The following PLEK2 variants were observed in gnomAD, a reference collection of about 807,000 sequenced individuals.
PLEK2 encodes pleckstrin-2.
PLEK2 carries 29 observed loss-of-function variants against 43.8 expected under a neutral mutation model. The ratio of observed to expected loss-of-function variants is 0.66; its 90% CI spans 0.49 to 0.90. The LOEUF is 0.90. PLEK2 is among the 40% of genes least tolerant of loss of function. The pLI is 0.00. For synonymous variants in PLEK2, 162 were observed against 173.2 expected (o/e 0.94, Z 0.51); for missense variants, 398 against 448.1 (o/e 0.89, Z 1.01).
At chr14:67,389,716 G>A (rs560974189) in intron 7 of PLEK2, among the ~76,000 whole-genome samples, 2 of 151,796 alleles carry the variant, frequency 1.3e-5, no homozygotes, top group South Asian at 4.2e-4. Context: ...GGGGCACAAA[G>A]AAAGTAGGTT....
chr14:67,391,773 G>C (rs1305078956), intron 6 of PLEK2, among the ~76,000 whole-genome samples: 1 of 152,210 alleles, frequency 6.6e-6, no homozygotes, highest in Non-Finnish European at 1.5e-5. Context: ...GCTTGCCTCT[G>C]GTTCAACATA....
intron 1 of PLEK2, among the ~76,000 whole-genome samples, chr14:67,408,472 A>G (rs572226878): frequency 6.6e-6 from 1 of 152,270 alleles, no homozygotes; most frequent in South Asian, 2.1e-4. Flanking sequence ...ATTTGAAAAT[A>G]GGGTCTTTGC....
intron 1 of PLEK2, among the ~76,000 whole-genome samples, chr14:67,408,055 G>A (rs1420995537): frequency 2.0e-5 from 3 of 152,074 alleles, no homozygotes; most frequent in African/African-American, 7.2e-5. Context: ...TGGGAGGCCA[G>A]GTGGGTGGAT....
intron 4 of PLEK2, 138 bp downstream of exon 4, chr14:67,393,012 A>T: frequency 1.1e-6 from 1 of 872,836 alleles, no homozygotes; most frequent in Non-Finnish European, 1.9e-6. Context: ...CTGCACACCC[A>T]CACATGGCCA....
At chr14:67,403,302 A>C (rs2086060380) in intron 1 of PLEK2, among the ~76,000 whole-genome samples, 1 of 152,222 alleles carries the variant, frequency 6.6e-6, no homozygotes, top group Non-Finnish European at 1.5e-5. Flanking sequence ...GAAAACAAGA[A>C]ATTTTGGCAA....
chr14:67,404,251 C>T (rs550415502), intron 1 of PLEK2, among the ~76,000 whole-genome samples: 1 of 152,324 alleles, frequency 6.6e-6, no homozygotes, highest in Admixed American at 6.5e-5. Flanking sequence ...CAAGGTCAGA[C>T]TCCACAGTCT....
At chr14:67,389,154 TA>T (rs2085948985) in intron 7 of PLEK2, among the ~76,000 whole-genome samples, 1 of 152,036 alleles carries the variant, frequency 6.6e-6, no homozygotes, top group Admixed American at 6.6e-5. Flanking sequence ...GCCCTTCAAT[TA>T]ATCAATAATC....
intron 1 of PLEK2, among the ~76,000 whole-genome samples, chr14:67,410,174 CTG>C (rs1402350972): frequency 6.6e-6 from 1 of 152,092 alleles, no homozygotes; most frequent in Non-Finnish European, 1.5e-5. Context: ...CCTGGGAGCT[CTG>C]TGGCTCTGCC....
intron 5 of PLEK2, 74 bp from the exon 6 acceptor site, chr14:67,392,501 G>T: frequency 7.6e-7 from 1 of 1,314,888 alleles, no homozygotes; most frequent in Non-Finnish European, 1.1e-6. Flanking sequence ...TGTCAGAGGG[G>T]AAAGGAAATT....
At chr14:67,410,273 C>T (rs1218814103) in intron 1 of PLEK2, among the ~76,000 whole-genome samples, 2 of 152,106 alleles carry the variant, frequency 1.3e-5, no homozygotes, top group Non-Finnish European at 2.9e-5. Flanking sequence ...GCCTCCAAAA[C>T]TCCCAAAGCT....
chr14:67,404,842 AATACT>A (rs2086069000), intron 1 of PLEK2, among the ~76,000 whole-genome samples: 2 of 152,110 alleles, frequency 1.3e-5, no homozygotes, highest in South Asian at 4.1e-4. Flanking sequence ...AAGTATTTCT[AATACT>A]TATGTATTTC....
Position 67,392,447 on chromosome 14 carries a change from A to G in PLEK2, c.670-20T>C. ...CTCAGCCTAGGGGGAAGGAGGGAGC[A>G]AGGACTCTGCTACAGAAAAGACCCA... On this transcript the variant is annotated intron_variant, in intron 5 of 8. Transcript: ENST00000216446. 6.4e-7 allele frequency: 1 copy of G among 1,567,134 alleles called. No homozygotes were observed. Among genetic ancestry groups the G allele is most frequent in the Admixed American group, 1.7e-5 (1 of 59,968 alleles).
At chr14:67,406,295 T>G (rs2086078328) in intron 1 of PLEK2, among the ~76,000 whole-genome samples, 1 of 151,806 alleles carries the variant, frequency 6.6e-6, no homozygotes, top group South Asian at 2.1e-4. Context: ...TGGGATAATT[T>G]GTTATACAAC....
rs538593132 is a variant in PLEK2, at chr14:67,395,694, C to G, written c.208-111G>C. 26 of 773,416 alleles carry G rather than the reference C, an allele frequency of 3.4e-5. 1 individual carries two copies. In the South Asian group the frequency reaches 4.3e-4, roughly 13 times the overall value. 47.9% of individuals were successfully genotyped at this position (773,416 alleles called of 1,614,324 possible). A position where few individuals can be genotyped will look rare whatever the true frequency, so the allele number is the denominator to read the frequency against. On this transcript the variant is annotated intron_variant, in intron 2 of 8. Coordinates refer to ENST00000216446, the MANE Select transcript of PLEK2 (RefSeq NM_016445.3). Reference sequence around the variant, plus strand: ...TCTAGGTGACAGTGACTGCCAAATGCCCTGAGCCCTCGGCCACATAGCAGG... The same window carrying G: ...TCTAGGTGACAGTGACTGCCAAATGGCCTGAGCCCTCGGCCACATAGCAGG...
chr14:67,409,205 T>C (rs2086100759), intron 1 of PLEK2, among the ~76,000 whole-genome samples: 1 of 152,072 alleles, frequency 6.6e-6, no homozygotes, highest in African/African-American at 2.4e-5. Flanking sequence ...CTGATGCCAC[T>C]GTACTCCAGC....
rs1212942328 is a variant in PLEK2, at chr14:67,390,728, A to G, written c.790T>C (p.Trp264Arg). Reference sequence around the variant, plus strand: ...CTTAGAACAAAGCGACGCACCTTCCAGTTTTTCCTCTTGTGTCCCTGAGGC... The same window carrying G: ...CTTAGAACAAAGCGACGCACCTTCCGGTTTTTCCTCTTGTGTCCCTGAGGC... Reference protein sequence around the residue: ...LAKQGHKRKNWKVRRFVLRKD... With the variant: ...LAKQGHKRKNRKVRRFVLRKD... The change falls in exon 7 of 9, where the codon TGG (tryptophan) becomes CGG (arginine). Residue 264 changes from tryptophan to arginine, a missense_variant. By Grantham distance (101) the Trp-to-Arg change is moderately radical. Coordinates refer to ENST00000216446, the MANE Select transcript of PLEK2 (RefSeq NM_016445.3). 6.2e-7 allele frequency: 1 copy of G among 1,613,096 alleles called. No individual in the cohort carries two copies. Among genetic ancestry groups the G allele is most frequent in the African/African-American group, 1.3e-5 (1 of 74,876 alleles).
intron 1 of PLEK2, among the ~76,000 whole-genome samples, chr14:67,407,146 G>A (rs1323469371): frequency 6.6e-6 from 1 of 151,886 alleles, no homozygotes; most frequent in African/African-American, 2.4e-5. Context: ...TTTTGAGACG[G>A]AGTCTTGCAC....
At chr14:67,393,445 G>T (rs1217729951) in intron 3 of PLEK2, among the ~76,000 whole-genome samples, 2 of 151,968 alleles carry the variant, frequency 1.3e-5, no homozygotes, top group South Asian at 2.1e-4. Flanking sequence ...ATTGATTTTT[G>T]TTGTTGTTGT....
Position 67,392,400 on chromosome 14 carries a change from G to GGCTT in PLEK2, c.693_696dup (p.Pro233LysfsTer7), listed in dbSNP as rs1335368714. The GGCTT allele has an allele frequency of 6.2e-7, 1 of 1,613,624 alleles. No individual in the cohort carries two copies. Among genetic ancestry groups the GGCTT allele is most frequent in the African/African-American group, 1.3e-5 (1 of 74,892 alleles). Reference sequence around the variant, plus strand: ...GTGCTCAGGCTAATTTCTTCCTTGGGGCTTATCTTCTTTTTGTAGCTCTCA... The same window carrying GGCTT: ...GTGCTCAGGCTAATTTCTTCCTTGGGGCTTGCTTATCTTCTTTTTGTAGCTCTCA... On this transcript the variant is annotated frameshift_variant, in exon 6 of 9. Transcript: ENST00000216446. LOFTEE classifies it high-confidence loss of function.
Sources: gnomAD v4.1 joint callset for allele counts (sites outside exome capture counted in the v4.1 genomes callset) on GRCh38, gnomAD v4.1.1 for gene constraint, MANE v1.5 for transcripts, NCBI Gene and HGNC (gene_info 2026-07-23, HGNC 2026-07-21) for gene names.